NEGR1: variants seen among roughly 807,000 people sequenced by gnomAD.
The protein encoded by NEGR1 is IgLON family member 4.
In NEGR1, 10 loss-of-function variants were observed where a neutral mutation model predicts 40.9. The observed-to-expected ratio is 0.24, with a 90% CI of 0.15 to 0.42. NEGR1 has a LOEUF of 0.42. NEGR1 is among the 10% of genes least tolerant of loss of function. The pLI, the probability that NEGR1 is intolerant of heterozygous loss-of-function variation, is 1.00. For synonymous variants in NEGR1, 185 were observed against 166.8 expected (o/e 1.11, Z -0.84); for missense variants, 352 against 438.9 (o/e 0.80, Z 1.77).
intron 1 of NEGR1, among the ~76,000 whole-genome samples, chr1:72,123,076 G>A (rs534425827): frequency 1.3e-5 from 2 of 151,936 alleles, no homozygotes; most frequent in South Asian, 4.1e-4. Context: ...TATTTAGGGA[G>A]CACTAGTCAA....
chr1:71,815,218 G>C (rs181105049), intron 2 of NEGR1, among the ~76,000 whole-genome samples: 1 of 152,154 alleles, frequency 6.6e-6, no homozygotes, highest in Admixed American at 6.6e-5. Flanking sequence ...GTGTGGTTTT[G>C]AGTAAGTTTC....
intron 3 of NEGR1, among the ~76,000 whole-genome samples, chr1:71,756,803 C>T (rs1439843556): frequency 6.6e-6 from 1 of 150,650 alleles, no homozygotes; most frequent in African/African-American, 2.4e-5. Flanking sequence ...AGAAACAATA[C>T]GGCTGGTACT....
intron 1 of NEGR1, among the ~76,000 whole-genome samples, chr1:72,161,039 A>T (rs774239417): frequency 5.9e-5 from 9 of 152,136 alleles, no homozygotes; most frequent in Non-Finnish European, 1.0e-4. Flanking sequence ...TTACATATTT[A>T]CTGAGTTGTA....
intron 6 of NEGR1, among the ~76,000 whole-genome samples, chr1:71,576,129 A>G (rs934347005): frequency 2.6e-5 from 4 of 152,180 alleles, no homozygotes; most frequent in African/African-American, 9.7e-5. Context: ...AGTTCTTCCC[A>G]GAGCACAGAA....
chr1:71,700,599 C>T (rs1653655901), intron 3 of NEGR1, among the ~76,000 whole-genome samples: 1 of 151,934 alleles, frequency 6.6e-6, no homozygotes, highest in Non-Finnish European at 1.5e-5. Context: ...ATTCTATTGG[C>T]ACTTGTATTA....
chr1:71,960,940 T>C (rs530243197), intron 1 of NEGR1, among the ~76,000 whole-genome samples: 3 of 152,288 alleles, frequency 2.0e-5, no homozygotes, highest in African/African-American at 7.2e-5. Flanking sequence ...TTATGCTTAT[T>C]TTCCTCAGTT....
At chr1:71,819,112 C>T (rs2101773516) in intron 2 of NEGR1, among the ~76,000 whole-genome samples, 1 of 151,996 alleles carries the variant, frequency 6.6e-6, no homozygotes, top group South Asian at 2.1e-4. Context: ...AGGATGACTC[C>T]TAGAAACACA....
intron 6 of NEGR1, among the ~76,000 whole-genome samples, chr1:71,547,067 T>G (rs1647923554): frequency 6.6e-6 from 1 of 151,772 alleles, no homozygotes; most frequent in South Asian, 2.1e-4. Flanking sequence ...ACAAATTTTC[T>G]AACACTTATG....
intron 1 of NEGR1, among the ~76,000 whole-genome samples, chr1:72,262,504 C>G (rs984782599): frequency 6.6e-6 from 1 of 151,954 alleles, no homozygotes. Context: ...ATATAATAAG[C>G]TTTTGAGGAC....
At chr1:71,955,435 C>T (rs1272925048) in intron 1 of NEGR1, among the ~76,000 whole-genome samples, 1 of 152,046 alleles carries the variant, frequency 6.6e-6, no homozygotes, top group Non-Finnish European at 1.5e-5. Flanking sequence ...GGTTCTGGAT[C>T]CTCTGATATG....
intron 1 of NEGR1, among the ~76,000 whole-genome samples, chr1:71,999,664 TATATATATATATATACATAC>T (rs1646538977): frequency 6.4e-5 from 3 of 46,614 alleles, no homozygotes; most frequent in East Asian, 1.4e-3. Context: ...TATATATATA[TATATATATATATATACATAC>T]ATATTTTTGT....
intron 3 of NEGR1, among the ~76,000 whole-genome samples, chr1:71,742,976 T>C (rs920452446): frequency 6.6e-6 from 1 of 152,100 alleles, no homozygotes; most frequent in Non-Finnish European, 1.5e-5. Flanking sequence ...GAATTTGTGC[T>C]CTTAAAAGAA....
At chr1:71,710,650 A>T (rs1019645266) in intron 3 of NEGR1, among the ~76,000 whole-genome samples, 3 of 152,180 alleles carry the variant, frequency 2.0e-5, no homozygotes, top group African/African-American at 4.8e-5. Flanking sequence ...GCATGTTCTC[A>T]CTTATTTGTG....
chr1:71,728,886 T>C (rs1351405953), intron 3 of NEGR1, among the ~76,000 whole-genome samples: 1 of 152,170 alleles, frequency 6.6e-6, no homozygotes, highest in African/African-American at 2.4e-5. Context: ...ATGGTCCACC[T>C]GGGAGAGGAG....
intron 1 of NEGR1, among the ~76,000 whole-genome samples, chr1:72,268,213 G>C (rs1182291665): frequency 1.3e-5 from 2 of 151,318 alleles, no homozygotes; most frequent in Non-Finnish European, 3.0e-5. Flanking sequence ...AGGAAGAGGA[G>C]GAAGGCAGCA....
intron 4 of NEGR1, among the ~76,000 whole-genome samples, chr1:71,692,321 C>A (rs1479088429): frequency 6.6e-6 from 1 of 151,092 alleles, no homozygotes; most frequent in African/African-American, 2.4e-5. Flanking sequence ...AGAAGAGTAT[C>A]CTAAATTACA....
At chr1:71,641,507 T>C (rs1304465959) in intron 4 of NEGR1, among the ~76,000 whole-genome samples, 1 of 152,038 alleles carries the variant, frequency 6.6e-6, no homozygotes, top group South Asian at 2.1e-4. Flanking sequence ...CCTCCTGTCA[T>C]GGAGTTTTAT....
chr1:72,181,791 G>A (rs890167993), intron 1 of NEGR1, among the ~76,000 whole-genome samples: 1 of 151,994 alleles, frequency 6.6e-6, no homozygotes, highest in Non-Finnish European at 1.5e-5. Context: ...CAAACACTGA[G>A]GGAAAAATAG....
chr1:71,733,136 A>G (rs998005942), intron 3 of NEGR1, among the ~76,000 whole-genome samples: 5 of 152,046 alleles, frequency 3.3e-5, no homozygotes, highest in Admixed American at 1.3e-4. Context: ...GCACTCTTCA[A>G]AATGCTGCAC....
Sources: gnomAD v4.1 joint callset for allele counts (sites outside exome capture counted in the v4.1 genomes callset) on GRCh38, gnomAD v4.1.1 for gene constraint, MANE v1.5 for transcripts, NCBI Gene and HGNC (gene_info 2026-07-23, HGNC 2026-07-21) for gene names.